CRIM1: variants seen among roughly 807,000 people sequenced by gnomAD.
CRIM1 encodes cysteine-rich motor neuron 1 protein.
A neutral mutation model predicts 116.4 loss-of-function variants in CRIM1; 32 were observed. That is an observed-to-expected ratio of 0.27 (90% CI 0.21 to 0.37). The LOEUF is 0.37. Ranked by LOEUF, CRIM1 falls within the 10% of genes least tolerant of loss-of-function variation. The pLI is 1.00. For synonymous variants in CRIM1, 590 were observed against 509.2 expected (o/e 1.16, Z -2.13); for missense variants, 1,331 against 1,354.8 (o/e 0.98, Z 0.28).
chr2:36,434,073 A>G (rs1675103416), intron 2 of CRIM1, among the ~76,000 whole-genome samples: 1 of 152,240 alleles, frequency 6.6e-6, no homozygotes, highest in African/African-American at 2.4e-5. Context: ...AAAAAAGGTT[A>G]TGATAAAATC....
At chr2:36,432,760 G>C (rs1407491037) in intron 2 of CRIM1, among the ~76,000 whole-genome samples, 1 of 151,826 alleles carries the variant, frequency 6.6e-6, no homozygotes, top group African/African-American at 2.4e-5. Flanking sequence ...GGTCAGCATT[G>C]ACTGCAGATT....
At chr2:36,515,395 G>C (rs1171738243) in intron 11 of CRIM1, among the ~76,000 whole-genome samples, 1 of 152,204 alleles carries the variant, frequency 6.6e-6, no homozygotes, top group East Asian at 1.9e-4. Context: ...GGATATACGT[G>C]TATGAAAACA....
intron 2 of CRIM1, among the ~76,000 whole-genome samples, chr2:36,429,979 C>T (rs978115055): frequency 1.3e-5 from 2 of 152,064 alleles, no homozygotes; most frequent in Non-Finnish European, 2.9e-5. Flanking sequence ...TAAAATAAGC[C>T]GGGGTTCTCA....
At chr2:36,409,006 C>T (rs1197404275) in intron 2 of CRIM1, among the ~76,000 whole-genome samples, 2 of 75,146 alleles carry the variant, frequency 2.7e-5, no homozygotes, top group East Asian at 1.2e-3. Context: ...AAGAGATCCT[C>T]AGAGGGGAAA....
intron 5 of CRIM1, among the ~76,000 whole-genome samples, chr2:36,472,787 T>C (rs2125029214): frequency 6.6e-6 from 1 of 152,354 alleles, no homozygotes; most frequent in Non-Finnish European, 1.5e-5. Flanking sequence ...GCCTGCAAAT[T>C]TAATGTATAA....
rs1436345653 is a variant in CRIM1, at chr2:36,537,623, C to T, written c.2623+77C>T. 9 of 1,416,378 alleles carry T rather than the reference C, an allele frequency of 6.4e-6. No individual in the cohort carries two copies. In the African/African-American group the frequency reaches 1.0e-4, roughly 16 times the overall value. 87.7% of individuals were successfully genotyped at this position (1,416,378 alleles called of 1,614,324 possible). On this transcript the variant is annotated intron_variant, in intron 14 of 16. Coordinates refer to ENST00000280527, the MANE Select transcript of CRIM1 (RefSeq NM_016441.3). ...TGAAATCGAAGCAGAGCTCGACCTG[C>T]CCCTTCTTTCATTCGTTCACACGGC...
At chr2:36,468,169 A>G (rs1678197885) in intron 5 of CRIM1, among the ~76,000 whole-genome samples, 2 of 152,252 alleles carry the variant, frequency 1.3e-5, no homozygotes, top group African/African-American at 2.4e-5. Context: ...CTGACCCCAC[A>G]TGCAGAAATG....
At position 36,439,677 on chromosome 2, in the gene CRIM1, G is replaced by A. The variant is rs1225234607; in HGVS notation, c.506-1581G>A. The stretch of plus-strand genomic sequence containing the variant: ...CGTCCCCTCACTCCTTCAAGTCTTT[G>A]TTCAGCCGTAAACTTCTCAATCATG... On this transcript the variant is annotated intron_variant, in intron 2 of 16. Transcript: ENST00000280527. Among the ~76,000 whole-genome samples the A allele has an allele frequency of 5.3e-5, 8 of 152,104 alleles. 1 individual carries two copies. The highest frequency in any genetic ancestry group is 1.7e-4 in the African/African-American group (7 of 41,504).
intron 1 of CRIM1, among the ~76,000 whole-genome samples, chr2:36,396,344 A>AACAC (rs1340784276): frequency 6.6e-6 from 1 of 152,366 alleles, no homozygotes; most frequent in Admixed American, 6.5e-5. Context: ...TTGTTGTAAT[A>AACAC]ACACATTAAG....
At chr2:36,437,809 C>T (rs1281194149) in intron 2 of CRIM1, among the ~76,000 whole-genome samples, 2 of 152,082 alleles carry the variant, frequency 1.3e-5, no homozygotes, top group Admixed American at 6.6e-5. Flanking sequence ...CGAGAGGTGA[C>T]AATGTTGGGA....
chr2:36,374,145 T>C (rs1373138469), intron 1 of CRIM1, among the ~76,000 whole-genome samples: 1 of 152,188 alleles, frequency 6.6e-6, no homozygotes, highest in Non-Finnish European at 1.5e-5. Flanking sequence ...TCCTTAGAAG[T>C]TTTCATGCCC....
intron 1 of CRIM1, among the ~76,000 whole-genome samples, chr2:36,364,502 G>A (rs868618640): frequency 1.3e-5 from 2 of 152,162 alleles, no homozygotes; most frequent in African/African-American, 2.4e-5. Context: ...GCAAGTAAGA[G>A]GGAGTCTAAC....
intron 12 of CRIM1, among the ~76,000 whole-genome samples, chr2:36,518,138 A>G (rs1003844299): frequency 6.6e-6 from 1 of 152,224 alleles, no homozygotes; most frequent in Non-Finnish European, 1.5e-5. Context: ...CTTAGCAGGT[A>G]AATGTATGGC....
chr2:36,394,988 A>T (rs1352895925), intron 1 of CRIM1, among the ~76,000 whole-genome samples: 28 of 151,578 alleles, frequency 1.8e-4, no homozygotes, highest in Admixed American at 1.8e-3. Flanking sequence ...CTATAAAAAT[A>T]AGAGCCATTT....
chr2:36,481,039 G>T (rs140478268), intron 7 of CRIM1, among the ~76,000 whole-genome samples: 1 of 152,124 alleles, frequency 6.6e-6, no homozygotes, highest in Non-Finnish European at 1.5e-5. Context: ...ATTTAATTAC[G>T]AATATTTGGG....
At chr2:36,528,159 T>A (rs1042821916) in intron 13 of CRIM1, among the ~76,000 whole-genome samples, 1 of 152,254 alleles carries the variant, frequency 6.6e-6, no homozygotes, top group African/African-American at 2.4e-5. Context: ...AGATTGCAGC[T>A]GATCTGAGTA....
chr2:36,495,835 T>C (rs1480813755), intron 7 of CRIM1, among the ~76,000 whole-genome samples: 2 of 152,148 alleles, frequency 1.3e-5, no homozygotes, highest in Non-Finnish European at 2.9e-5. Flanking sequence ...TCAAATATGT[T>C]TAACAATAAT....
intron 4 of CRIM1, among the ~76,000 whole-genome samples, chr2:36,446,187 A>G (rs1435683677): frequency 1.3e-5 from 2 of 152,194 alleles, no homozygotes; most frequent in South Asian, 2.1e-4. Flanking sequence ...TTTCTCCCCT[A>G]TCTTGAAGAA....
In CRIM1 at chr2:36,547,760, G is replaced by T. The variant is rs370934237; in HGVS notation, c.2934+589G>T. ...GAGAAAAGATGTATGTTTGTTTTCA[G>T]TACAAACATAAAGGGCCTCTAAATC... On this transcript the variant is annotated intron_variant, in intron 16 of 16. Transcript: ENST00000280527. 1.5e-3 allele frequency among the ~76,000 whole-genome samples: 228 copies of T among 152,192 alleles called. 1 individual carries two copies. The highest frequency in any genetic ancestry group is 5.1e-3 in the African/African-American group (213 of 41,528).
Sources: gnomAD v4.1 joint callset for allele counts (sites outside exome capture counted in the v4.1 genomes callset) on GRCh38, gnomAD v4.1.1 for gene constraint, MANE v1.5 for transcripts, NCBI Gene and HGNC (gene_info 2026-07-23, HGNC 2026-07-21) for gene names.